The following XKR3 variants were observed in gnomAD, a reference collection of about 807,000 sequenced individuals.
The protein encoded by XKR3 is XK-related protein 3.
Under a neutral mutation model 40.3 loss-of-function variants are expected in XKR3, and 27 were observed. That is an observed-to-expected ratio of 0.67 (90% CI 0.49 to 0.92). The LOEUF (loss-of-function observed/expected upper bound fraction) is 0.92. Ranked by LOEUF, XKR3 falls within the 40% of genes least tolerant of loss-of-function variation. The pLI is 0.00. For missense variants in XKR3, 472 were observed against 537.6 expected (o/e 0.88, Z 1.21); for synonymous variants, 193 against 195.4 (o/e 0.99, Z 0.10).
At chr22:16,807,183 C>G (rs2060193062) in intron 2 of XKR3, among the ~76,000 whole-genome samples, 1 of 152,082 alleles carries the variant, frequency 6.6e-6, no homozygotes, top group South Asian at 2.1e-4. Flanking sequence ...GACAGATTAA[C>G]ATAACAAAAT....
intron 3 of XKR3, among the ~76,000 whole-genome samples, chr22:16,787,564 TAAA>T (rs58712714): frequency 1.4e-5 from 2 of 142,436 alleles, no homozygotes; most frequent in African/African-American, 2.6e-5. Flanking sequence ...CGTCTCAAAT[TAAA>T]AAAAAAAAAA....
chr22:16,822,881 G>GTATT (rs1344677537), intron 1 of XKR3, among the ~76,000 whole-genome samples: 1 of 152,010 alleles, frequency 6.6e-6, no homozygotes, highest in African/African-American at 2.4e-5. Flanking sequence ...GTTGTGGTGG[G>GTATT]TATTTATTTG....
intron 1 of XKR3, among the ~76,000 whole-genome samples, chr22:16,808,894 G>A (rs1451548196): frequency 6.6e-6 from 1 of 152,006 alleles, no homozygotes; most frequent in East Asian, 1.9e-4. Flanking sequence ...AATTGTTTTA[G>A]AGAAATATTT....
At chr22:16,818,652 G>A (rs1312795066) in intron 1 of XKR3, among the ~76,000 whole-genome samples, 2 of 152,062 alleles carry the variant, frequency 1.3e-5, no homozygotes, top group African/African-American at 4.8e-5. Flanking sequence ...CTTCTCCCAG[G>A]TCAGTGATGC....
chr22:16,806,250 T>G (rs568795003), intron 2 of XKR3, among the ~76,000 whole-genome samples: 1 of 127,818 alleles, frequency 7.8e-6, no homozygotes, highest in Middle Eastern at 5.7e-3. Context: ...AAAAGAATGA[T>G]AGTTCATCTC....
At chr22:16,791,274 C>T (rs1167410371) in intron 3 of XKR3, among the ~76,000 whole-genome samples, 5 of 148,822 alleles carry the variant, frequency 3.4e-5, no homozygotes, top group African/African-American at 9.9e-5. Context: ...GAAGACATTA[C>T]GTTGAGTGAA....
chr22:16,790,572 G>A (rs2060111295), intron 3 of XKR3, among the ~76,000 whole-genome samples: 1 of 152,012 alleles, frequency 6.6e-6, no homozygotes, highest in Non-Finnish European at 1.5e-5. Context: ...GTGGGAGGAA[G>A]GAGAACATCA....
intron 1 of XKR3, among the ~76,000 whole-genome samples, chr22:16,810,873 C>T (rs963939841): frequency 1.3e-5 from 2 of 152,132 alleles, no homozygotes; most frequent in African/African-American, 4.8e-5. Context: ...TTCTGCTCTC[C>T]TTGCCATTTC....
chr22:16,808,511 C>G (rs1332569847), intron 1 of XKR3, among the ~76,000 whole-genome samples: 4 of 152,202 alleles, frequency 2.6e-5, no homozygotes, highest in Admixed American at 6.5e-5. Flanking sequence ...AAACTATCCC[C>G]AGATATTCCT....
chr22:16,813,888 G>C (rs766080793), intron 1 of XKR3, among the ~76,000 whole-genome samples: 2 of 152,122 alleles, frequency 1.3e-5, no homozygotes, highest in Non-Finnish European at 2.9e-5. Flanking sequence ...ACTGTGGTTT[G>C]AGATTCATTG....
intron 2 of XKR3, among the ~76,000 whole-genome samples, chr22:16,801,224 G>A (rs2060167569): frequency 6.7e-6 from 1 of 149,966 alleles, no homozygotes; most frequent in South Asian, 2.1e-4. Flanking sequence ...TATATCCTAG[G>A]CAGAAAAGAT....
chr22:16,819,545 G>A (rs2060247332), intron 1 of XKR3, among the ~76,000 whole-genome samples: 1 of 152,138 alleles, frequency 6.6e-6, no homozygotes, highest in Admixed American at 6.6e-5. Flanking sequence ...GCTAGGGCAA[G>A]TGGACATCCA....
Position 16,807,742 on chromosome 22 carries a change from A to G in XKR3, c.332T>C (p.Val111Ala), listed in dbSNP as rs578187901. The G allele has an allele frequency of 1.9e-6, 3 of 1,586,866 alleles. No homozygotes were observed. Among genetic ancestry groups the G allele is most frequent in the South Asian group, 2.3e-5 (2 of 87,086 alleles). ...FWHILLLGPI[V>A]RCLHTIRNYH... Reference sequence around the variant, plus strand: ...GAGAAATATTTGTGTCACTTACCTCACAATAGGTCCTAAAAGAAGAATGTG... The same window carrying G: ...GAGAAATATTTGTGTCACTTACCTCGCAATAGGTCCTAAAAGAAGAATGTG... The change falls in exon 2 of 4, where the codon GTG (valine) becomes GCG (alanine). Residue 111 changes from valine to alanine, a missense_variant. Coordinates refer to ENST00000684488, the MANE Select transcript of XKR3 (RefSeq NM_001386955.1).
intron 1 of XKR3, among the ~76,000 whole-genome samples, chr22:16,810,236 G>T (rs1373565765): frequency 6.6e-6 from 1 of 152,116 alleles, no homozygotes; most frequent in Non-Finnish European, 1.5e-5. Context: ...ACATATTCGA[G>T]TTTAATAGGC....
intron 3 of XKR3, among the ~76,000 whole-genome samples, chr22:16,798,072 T>C (rs892304910): frequency 2.7e-5 from 4 of 149,508 alleles, no homozygotes; most frequent in African/African-American, 4.9e-5. Flanking sequence ...CACAGGTACC[T>C]GGGAGGCTGA....
At chr22:16,791,808 AG>A (rs2060119908) in intron 3 of XKR3, among the ~76,000 whole-genome samples, 8 of 49,040 alleles carry the variant, frequency 1.6e-4, no homozygotes, top group African/African-American at 7.1e-4. Context: ...AGAGAGAGAG[AG>A]AGAAAGAGAG....
intron 2 of XKR3, among the ~76,000 whole-genome samples, chr22:16,802,109 T>G (rs1218946429): frequency 6.6e-6 from 1 of 152,172 alleles, no homozygotes; most frequent in Non-Finnish European, 1.5e-5. Flanking sequence ...CCATAATATA[T>G]CATTTCATTA....
intron 2 of XKR3, among the ~76,000 whole-genome samples, chr22:16,804,360 A>G (rs1365300391): frequency 6.6e-6 from 1 of 152,180 alleles, no homozygotes; most frequent in Non-Finnish European, 1.5e-5. Flanking sequence ...CTCTGGCATA[A>G]CAAAACAAAA....
rs557060781 is a variant in XKR3, at chr22:16,813,780, T to C, written c.-10-5697A>G. Among the ~76,000 whole-genome samples the C allele has an allele frequency of 2.0e-5, 3 of 152,330 alleles. No homozygotes were observed. The South Asian group carries it at 6.2e-4, about 32-fold the overall frequency. On this transcript the variant is annotated intron_variant, in intron 1 of 3. Transcript: ENST00000684488. ...TCTAAAGAAGCAACCTCACTTTATG[T>C]TCCCACTAGCAATTGGATGAGGTTC... is the stretch of plus-strand genomic sequence containing the variant.
Sources: allele counts gnomAD v4.1 joint callset (sites outside exome capture counted in the v4.1 genomes callset), GRCh38; gene constraint gnomAD v4.1.1; transcripts MANE v1.5; gene names NCBI Gene and HGNC (gene_info 2026-07-23, HGNC 2026-07-21).